Variants in ARNT2 observed in about 807,000 individuals in gnomAD.
ARNT2 encodes the protein aryl hydrocarbon receptor nuclear translocator 2, also known as ARNT protein 2.
ARNT2 carries 36 observed loss-of-function variants against 91.7 expected under a neutral mutation model. The ratio of observed to expected loss-of-function variants is 0.39; its 90% CI spans 0.30 to 0.52. The LOEUF is 0.52. Among genes scored for constraint, ARNT2 ranks in the 20% least tolerant of loss-of-function variants. The pLI is 0.72. For synonymous variants in ARNT2, 365 were observed against 347.1 expected, an observed-to-expected ratio of 1.05 and a Z score of -0.57; for missense variants, 775 against 939.3, an observed-to-expected ratio of 0.83 and a Z score of 2.29.
chr15:80,506,388 T>G (rs1222800634), intron 5 of ARNT2, among the ~76,000 whole-genome samples: 4 of 147,078 alleles, frequency 2.7e-5, no homozygotes, highest in African/African-American at 8.2e-5. Flanking sequence ...GAAGCAAGAA[T>G]CAAGGTGGCA....
chr15:80,441,199 G>A (rs964211788), intron 1 of ARNT2: 1 of 984,738 alleles, frequency 1.0e-6, no homozygotes, highest in Non-Finnish European at 1.2e-6. Context: ...AGTTGTCACG[G>A]CTGAATCATG....
rs577679031 is a variant in ARNT2, at chr15:80,477,485, T to A, written c.622+2262T>A. Among the ~76,000 whole-genome samples the A allele has an allele frequency of 9.7e-4, 148 of 152,360 alleles. 1 individual carries two copies. Among genetic ancestry groups the A allele is most frequent in the Non-Finnish European group, 1.8e-3 (122 of 68,028 alleles). On this transcript the variant is annotated intron_variant, in intron 5 of 18. Transcript: ENST00000303329. ...TCAGCGTACGAATTTGGGGAGAGCG[T>A]AAGCATTTAGTCCATTGCATTCAAG...
rs1566989777 is a variant in ARNT2 at position 80,508,141 on chromosome 15, T to C, written c.623-15T>C. 2 of 1,612,500 alleles carry C rather than the reference T, an allele frequency of 1.2e-6. No individual in the cohort carries two copies. Among genetic ancestry groups the C allele is most frequent in the East Asian group, 2.2e-5 (1 of 44,824 alleles). On this transcript the variant is annotated splice_polypyrimidine_tract_variant and intron_variant, in intron 5 of 18. Transcript: ENST00000303329. The stretch of plus-strand genomic sequence containing the variant: ...AAGGCAGAGGCTTACGTAACTGTCC[T>C]TCTCTCTCTCTTAGGCCGGATCTTG...
intron 8 of ARNT2, among the ~76,000 whole-genome samples, chr15:80,527,060 G>T (rs1427256722): frequency 6.6e-6 from 1 of 152,214 alleles, no homozygotes; most frequent in Non-Finnish European, 1.5e-5. Context: ...AAGCCATGAT[G>T]ACCTTAGCTG....
intron 1 of ARNT2, among the ~76,000 whole-genome samples, chr15:80,417,619 A>C (rs1309650590): frequency 1.1e-3 from 134 of 116,542 alleles, no homozygotes; most frequent in African/African-American, 1.6e-3. Flanking sequence ...TTCCCTCCTC[A>C]CCCTCTCCTG....
In ARNT2 at chr15:80,404,599, G is replaced by A; in HGVS notation, c.31+53G>A. 4 of 1,027,016 alleles carry A rather than the reference G, an allele frequency of 3.9e-6. No individual in the cohort carries two copies. Among genetic ancestry groups the A allele is most frequent in the Non-Finnish European group, 4.7e-6 (4 of 857,502 alleles). The allele number at this position is 1,027,016 out of a possible 1,614,324, so 63.6% of individuals were successfully genotyped here. A position where few individuals can be genotyped will look rare whatever the true frequency, so the allele number is the denominator to read the frequency against. On this transcript the variant is annotated intron_variant, in intron 1 of 18. Transcript: ENST00000303329. The surrounding 1 kb of genome is among the most constrained non-coding windows in gnomAD (Gnocchi z 5.5). ...CGCCGCAGCCCGCAGGCCTTGCCCG[G>A]GGCCGGAGCGGACCAGGCGCGCCGG...
At chr15:80,490,936 CA>C (rs1468814104) in intron 5 of ARNT2, among the ~76,000 whole-genome samples, 3 of 152,168 alleles carry the variant, frequency 2.0e-5, no homozygotes, top group Non-Finnish European at 4.4e-5. Context: ...GGCTATGGGA[CA>C]GGGGCAGGGG....
At chr15:80,563,523 C>A (rs1355910860) in intron 12 of ARNT2, among the ~76,000 whole-genome samples, 3 of 152,222 alleles carry the variant, frequency 2.0e-5, no homozygotes, top group African/African-American at 7.2e-5. Flanking sequence ...CTCTTTTCTT[C>A]CCCCTGAGCA....
intron 1 of ARNT2, chr15:80,444,585 GT>G (rs1347696580): frequency 7.9e-5 from 12 of 151,896 alleles, no homozygotes; most frequent in African/African-American, 2.7e-4. Context: ...GTGGGGGTGT[GT>G]GTATATGATT....
intron 8 of ARNT2, among the ~76,000 whole-genome samples, chr15:80,515,842 G>A (rs1305213256): frequency 6.8e-6 from 1 of 147,318 alleles, no homozygotes; most frequent in East Asian, 2.0e-4. Flanking sequence ...AGAACAATGT[G>A]TATACTGCTG....
rs776832408 is a variant in ARNT2 at position 80,513,914 on chromosome 15, T to G, written c.729T>G (p.Cys243Trp). 2.5e-6 allele frequency: 4 copies of G among 1,612,856 alleles called. No homozygotes were observed. The highest frequency in any genetic ancestry group is 3.4e-6 in the Non-Finnish European group (4 of 1,178,998). The change falls in exon 7 of 19, where the codon TGT becomes TGG. Residue 243 changes from cysteine (C) to tryptophan (W), a missense_variant. Around this residue, in one of 5 missense-constraint regions of ARNT2, gnomAD observed 285 missense variants for 327.2 expected, o/e 0.87. Coordinates refer to ENST00000303329, the MANE Select transcript of ARNT2 (RefSeq NM_014862.4). ...SRRSFICRMRCGNAPLDHLPL... is the reference protein window; with the variant it reads ...SRRSFICRMRWGNAPLDHLPL... Reference sequence around the variant, plus strand: ...TAATACACTTGTCACATCTTAGGTGTGGAAATGCTCCTTTGGACCACCTTC... The same window carrying G: ...TAATACACTTGTCACATCTTAGGTGGGGAAATGCTCCTTTGGACCACCTTC...
At chr15:80,469,983 A>G (rs180738730) in intron 3 of ARNT2, among the ~76,000 whole-genome samples, 1 of 152,278 alleles carries the variant, frequency 6.6e-6, no homozygotes, top group East Asian at 1.9e-4. Flanking sequence ...AGATTTTGAT[A>G]TGTATTTAGA....
chr15:80,593,851 G>C lies in ARNT2; in HGVS notation c.*153G>C. On this transcript the variant is annotated 3_prime_UTR_variant, in exon 19 of 19. Transcript: ENST00000303329. ...GCTGTGTGTCCCCAGGCGCATCATTGCTCCACTCTCCCCTGCAGCCGCGGC... is the reference window on the plus strand; with the variant it reads ...GCTGTGTGTCCCCAGGCGCATCATTCCTCCACTCTCCCCTGCAGCCGCGGC... 1.5e-6 allele frequency: 1 copy of C among 656,878 alleles called. No homozygotes were observed. Among genetic ancestry groups the C allele is most frequent in the South Asian group, 1.9e-5 (1 of 51,660 alleles). 40.7% of individuals were successfully genotyped at this position (656,878 alleles called of 1,614,324 possible). A position where few individuals can be genotyped will look rare whatever the true frequency, so the allele number is the denominator to read the frequency against.
intron 8 of ARNT2, among the ~76,000 whole-genome samples, chr15:80,535,076 A>C (rs1043508970): frequency 2.0e-5 from 3 of 152,212 alleles, no homozygotes; most frequent in African/African-American, 7.2e-5. Flanking sequence ...CATTCAGGGC[A>C]GGAGGAAGAG....
chr15:80,528,339 G>C (rs1456363542), intron 8 of ARNT2, among the ~76,000 whole-genome samples: 3 of 151,980 alleles, frequency 2.0e-5, no homozygotes, highest in Non-Finnish European at 2.9e-5. Context: ...TTTGCATCCA[G>C]AATTTAGATT....
At chr15:80,481,769 C>T (rs930706454) in intron 5 of ARNT2, among the ~76,000 whole-genome samples, 2 of 152,134 alleles carry the variant, frequency 1.3e-5, no homozygotes, top group African/African-American at 4.8e-5. Context: ...GTAATGAATT[C>T]TTTTACTTTT....
chr15:80,543,223 G>A (rs1037916221), intron 8 of ARNT2, among the ~76,000 whole-genome samples: 1 of 151,944 alleles, frequency 6.6e-6, no homozygotes, highest in African/African-American at 2.4e-5. Flanking sequence ...TGACATTCAG[G>A]CCTCAGGTGG....
At position 80,578,118 on chromosome 15, in the gene ARNT2, G is replaced by A. The variant is rs937283436; in HGVS notation, c.1613+1153G>A. On this transcript the variant is annotated intron_variant, in intron 15 of 18. Coordinates refer to ENST00000303329, the MANE Select transcript of ARNT2 (RefSeq NM_014862.4). The stretch of plus-strand genomic sequence containing the variant: ...GTGCCAGCCCTGCCTGGGTGCTCAT[G>A]TTCATGGGGTCCTTGTGACACTTGC... Among the ~76,000 whole-genome samples, 17 of 152,352 alleles carry A rather than the reference G, an allele frequency of 1.1e-4. No homozygotes were observed. The East Asian group carries it at 2.7e-3, about 24-fold the overall frequency.
chr15:80,431,008 G>A (rs1251033838), intron 1 of ARNT2, among the ~76,000 whole-genome samples: 1 of 152,020 alleles, frequency 6.6e-6, no homozygotes, highest in Non-Finnish European at 1.5e-5. Flanking sequence ...CCCACCAGCT[G>A]TCAGTCTGCC....
Sources: allele counts gnomAD v4.1 joint callset (sites outside exome capture counted in the v4.1 genomes callset), GRCh38; gene constraint gnomAD v4.1.1; regional missense constraint gnomAD v4.1.1; non-coding constraint Gnocchi (gnomAD v3.1); transcripts MANE v1.5; gene names NCBI Gene and HGNC (gene_info 2026-07-23, HGNC 2026-07-21).